LYPD1: variants seen among roughly 807,000 people sequenced by gnomAD.
The protein encoded by LYPD1 is ly6/PLAUR domain-containing protein 1.
LYPD1 carries 14 observed loss-of-function variants against 14.2 expected under a neutral mutation model. That is an observed-to-expected ratio of 0.99 (90% CI 0.65 to 1.54). LYPD1 has a LOEUF of 1.54. Ranked by LOEUF, LYPD1 falls within the 40% of genes most tolerant of loss-of-function variation. The pLI is 0.00. For synonymous variants in LYPD1, 85 were observed against 70.6 expected (o/e 1.20, Z -1.02); for missense variants, 165 against 175.7 (o/e 0.94, Z 0.34).
chr2:132,670,831 TTAAC>T (rs1433175191), upstream of LYPD1, among the ~76,000 whole-genome samples: 2 of 152,094 alleles, frequency 1.3e-5, no homozygotes, highest in Non-Finnish European at 2.9e-5. This position sits in a 1 kb window ranked among gnomAD's most constrained non-coding sequence, Gnocchi z 4.5. Context: ...GGACACTGCC[TTAAC>T]TGTCTCACTT....
intron 2 of LYPD1, among the ~76,000 whole-genome samples, chr2:132,650,453 T>G (rs7565263): frequency 0.12 from 18,388 of 152,170 alleles, 3,661 homozygotes; most frequent in African/African-American, 0.42. Context: ...GCAATTCCAC[T>G]TTTACGCATG....
In LYPD1 at chr2:132,644,845, G is replaced by C. The variant is rs1341487139; in HGVS notation, c.*1200C>G. On this transcript the variant is annotated 3_prime_UTR_variant, in exon 3 of 3. Coordinates refer to ENST00000397463, the MANE Select transcript of LYPD1 (RefSeq NM_144586.7). ...TTTTAAAATTAACAGACATCAACTG[G>C]TATAAATACACTGTCTAAAGCATTT... is the stretch of plus-strand genomic sequence containing the variant. 2.0e-6 allele frequency: 1 copy of C among 491,834 alleles called. No individual in the cohort carries two copies. The highest frequency in any genetic ancestry group is 3.6e-6 in the Non-Finnish European group (1 of 280,298). The allele number at this position is 491,834 out of a possible 1,614,324, so 30.5% of individuals were successfully genotyped here.
Position 132,668,449 on chromosome 2 carries a change from C to T in LYPD1, c.141G>A (p.Thr47=). The T allele has an allele frequency of 1.9e-6, 3 of 1,610,220 alleles. No individual in the cohort carries two copies. Among genetic ancestry groups the T allele is most frequent in the Non-Finnish European group, 2.5e-6 (3 of 1,178,314 alleles). Residue 47 remains threonine (T), a synonymous_variant, in exon 2 of 3, where the codon ACG becomes ACA. Transcript: ENST00000397463. ...CSSPEFIVNC[T]VNVQDMCQKE... ...TCTGACACATGTCTTGAACGTTCACCGTGCAATTCACAATGAACTCGGGGG... is the reference window on the plus strand; with the variant it reads ...TCTGACACATGTCTTGAACGTTCACTGTGCAATTCACAATGAACTCGGGGG...
rs1683468182 is a variant in LYPD1, at chr2:132,669,083, C to G, written c.53-546G>C. 6.6e-6 allele frequency among the ~76,000 whole-genome samples: 1 copy of G among 152,212 alleles called. No homozygotes were observed. Among genetic ancestry groups the G allele is most frequent in the Non-Finnish European group, 1.5e-5 (1 of 68,034 alleles). ...CAACTTGGGTGGAGGTGCCAGACGC[C>G]AAGCGCTGCTGCGCCGCAAGTCCCC... On this transcript the variant is annotated intron_variant, in intron 1 of 2. Coordinates refer to ENST00000397463, the MANE Select transcript of LYPD1 (RefSeq NM_144586.7). The surrounding 1 kb of genome is among the most constrained non-coding windows in gnomAD (Gnocchi z 4.3).
chr2:132,646,276 G>A lies in LYPD1; in HGVS notation c.195C>T (p.Ile65=), dbSNP rs1361211938. The change falls in exon 3 of 3, where the codon ATC becomes ATT. Residue 65 remains isoleucine (I), a synonymous_variant. Coordinates refer to ENST00000397463, the MANE Select transcript of LYPD1 (RefSeq NM_144586.7). ...ATGATGCACAGGACTTGCGGTACAT[G>A]ATCCCTGTAACACAGACCCAAAGGA... ...QKEVMEQSAG[I]MYRKSCASSA... 10 of 1,540,466 alleles carry A rather than the reference G, an allele frequency of 6.5e-6. No individual in the cohort carries two copies. Among genetic ancestry groups the A allele is most frequent in the Non-Finnish European group, 8.8e-6 (10 of 1,139,610 alleles).
Position 132,645,282 on chromosome 2 carries a change from G to C in LYPD1, c.*763C>G, listed in dbSNP as rs1681996417. 1 of 1,614,100 alleles carries C rather than the reference G, an allele frequency of 6.2e-7. No individual in the cohort carries two copies. The highest frequency in any genetic ancestry group is 8.5e-7 in the Non-Finnish European group (1 of 1,180,060). ...TCATCAACCCGCTCCTGTACACGGTGTCCTCGCAGCAGTTTCGGCGGGTGT... is the reference window on the plus strand; with the variant it reads ...TCATCAACCCGCTCCTGTACACGGTCTCCTCGCAGCAGTTTCGGCGGGTGT... On this transcript the variant is annotated 3_prime_UTR_variant, in exon 3 of 3. Transcript: ENST00000397463.
intron 2 of LYPD1, among the ~76,000 whole-genome samples, chr2:132,652,448 A>G (rs1682394561): frequency 6.6e-6 from 1 of 152,142 alleles, no homozygotes; most frequent in African/African-American, 2.4e-5. Context: ...TAAAGCTACA[A>G]TTCACCTCCA....
intron 2 of LYPD1, among the ~76,000 whole-genome samples, chr2:132,656,550 T>A (rs2104910723): frequency 6.6e-6 from 1 of 152,282 alleles, no homozygotes; most frequent in African/African-American, 2.4e-5. Flanking sequence ...AAGAACACTG[T>A]GTGAGGAATT....
upstream of LYPD1, among the ~76,000 whole-genome samples, chr2:132,670,430 G>T (rs371745453): frequency 5.3e-5 from 8 of 152,264 alleles, no homozygotes; most frequent in African/African-American, 1.9e-4. The surrounding 1 kb of genome is among the most constrained non-coding windows in gnomAD (Gnocchi z 4.5). Context: ...AGTTTTCTGA[G>T]ATGGGGAGGT....
rs1011096832 is a variant in LYPD1 at position 132,669,407 on chromosome 2, C to G, written c.52+474G>C. On this transcript the variant is annotated intron_variant, in intron 1 of 2. Coordinates refer to ENST00000397463, the MANE Select transcript of LYPD1 (RefSeq NM_144586.7). This position sits in a 1 kb window ranked among gnomAD's most constrained non-coding sequence, Gnocchi z 4.3. ...ACGCGCTCCTGTCTAGACCCAACTACCCACGCTCCCGCAGCCCCACATCTA... is the reference window on the plus strand; with the variant it reads ...ACGCGCTCCTGTCTAGACCCAACTAGCCACGCTCCCGCAGCCCCACATCTA... 6.6e-6 allele frequency among the ~76,000 whole-genome samples: 1 copy of G among 152,106 alleles called. No individual in the cohort carries two copies. Among genetic ancestry groups the G allele is most frequent in the African/African-American group, 2.4e-5 (1 of 41,416 alleles).
chr2:132,647,956 A>AT (rs58397226), intron 2 of LYPD1, among the ~76,000 whole-genome samples: 11,087 of 152,138 alleles, frequency 0.073, 1,349 homozygotes, highest in African/African-American at 0.25. Context: ...ATTTTATGTC[A>AT]TTTTTTCCCC....
chr2:132,648,264 C>CTT (rs1230473333), intron 2 of LYPD1, among the ~76,000 whole-genome samples: 1 of 146,964 alleles, frequency 6.8e-6, no homozygotes, highest in African/African-American at 2.4e-5. Context: ...AATTTTTAAA[C>CTT]TTTTAAAAAA....
At chr2:132,659,086 C>T (rs971771301) in intron 2 of LYPD1, among the ~76,000 whole-genome samples, 2 of 152,196 alleles carry the variant, frequency 1.3e-5, no homozygotes, top group East Asian at 1.9e-4. Context: ...CCTTAAATTA[C>T]AACTATCACT....
In LYPD1 at chr2:132,668,517, A is replaced by G. The variant is rs746944970; in HGVS notation, c.73T>C (p.Cys25Arg). The G allele has an allele frequency of 6.2e-7, 1 of 1,612,424 alleles. No homozygotes were observed. The highest frequency in any genetic ancestry group is 8.5e-7 in the Non-Finnish European group (1 of 1,179,336). ...AGCTGGAATTCTTCACACTGGTAGC[A>G]CTGGATTTGCAGCGCAAAGCCTGCG... ...LLPGFALQIQ[C>R]YQCEEFQLNN... Residue 25 changes from cysteine (C) to arginine (R), a missense_variant, in exon 2 of 3, where the codon TGC (cysteine) becomes CGC (arginine). Transcript: ENST00000397463.
At chr2:132,650,887 T>C (rs1682338209) in intron 2 of LYPD1, among the ~76,000 whole-genome samples, 1 of 152,196 alleles carries the variant, frequency 6.6e-6, no homozygotes, top group African/African-American at 2.4e-5. Context: ...ATAGGGTAGG[T>C]AATTTGCTTA....
intron 2 of LYPD1, 45 bp from the exon 3 acceptor site, chr2:132,646,325 A>AAGAATAGCTGTCCCTC (rs781635130): frequency 2.3e-6 from 3 of 1,325,476 alleles, no homozygotes; most frequent in Non-Finnish European, 2.0e-6. Context: ...GCACCGGCAA[A>AAGAATAGCTGTCCCTC]AGAATAGCTG....
rs760209274 is a variant in LYPD1, at chr2:132,668,410, C to T, written c.180G>A (p.Glu60=). Residue 60 remains glutamate (E), a synonymous_variant, in exon 2 of 3, where the codon GAG becomes GAA. Transcript: ENST00000397463. The part of the protein sequence containing the change: ...VQDMCQKEVM[E]QSAGIMYRKS... Reference sequence around the variant, plus strand: ...CTGCCAGGCTCTTACCGGCACTTTGCTCCATCACTTCTTTCTGACACATGT... The same window carrying T: ...CTGCCAGGCTCTTACCGGCACTTTGTTCCATCACTTCTTTCTGACACATGT... The T allele has an allele frequency of 1.2e-6, 2 of 1,604,840 alleles. No homozygotes were observed. Among genetic ancestry groups the T allele is most frequent in the African/African-American group, 1.3e-5 (1 of 74,576 alleles).
chr2:132,670,933 G>A (rs910852713), upstream of LYPD1, among the ~76,000 whole-genome samples: 6 of 152,158 alleles, frequency 3.9e-5, no homozygotes, highest in African/African-American at 1.4e-4. The surrounding 1 kb of genome is among the most constrained non-coding windows in gnomAD (Gnocchi z 4.5). Flanking sequence ...GGAGAACGCC[G>A]TCCCGGGGAC....
In LYPD1 at chr2:132,645,622, G is replaced by T. The variant is rs1296983745; in HGVS notation, c.*423C>A. 4 of 1,600,170 alleles carry T rather than the reference G, an allele frequency of 2.5e-6. No homozygotes were observed. The African/African-American group carries it at 4.0e-5, about 16-fold the overall frequency. On this transcript the variant is annotated 3_prime_UTR_variant, in exon 3 of 3. Transcript: ENST00000397463. ...TGAAGTTTGAATGTCAAGCGAGGGA[G>T]CCTTGAGTGGGAACTGGCCCTCCAG...
Sources: gnomAD v4.1 joint callset for allele counts (sites outside exome capture counted in the v4.1 genomes callset) on GRCh38, gnomAD v4.1.1 for gene constraint, Gnocchi (gnomAD v3.1) non-coding constraint, MANE v1.5 for transcripts, NCBI Gene and HGNC (gene_info 2026-07-23, HGNC 2026-07-21) for gene names.